DOCK9: variants seen among roughly 807,000 people sequenced by gnomAD.
The protein encoded by DOCK9 is dedicator of cytokinesis protein 9.
A neutral mutation model predicts 263.3 loss-of-function variants in DOCK9; 89 were observed. The observed-to-expected ratio is 0.34, with a 90% CI of 0.28 to 0.40. The LOEUF (loss-of-function observed/expected upper bound fraction) is 0.40. DOCK9 is among the 10% of genes least tolerant of loss of function. The pLI, the probability that DOCK9 is intolerant of heterozygous loss-of-function variation, is 1.00. For missense variants in DOCK9, 2,140 were observed against 2,603.4 expected, an observed-to-expected ratio of 0.82 and a Z score of 3.87; for synonymous variants, 976 against 973.1, an observed-to-expected ratio of 1.00 and a Z score of -0.06.
chr13:98,980,496 C>A (rs1360810177), upstream of DOCK9, among the ~76,000 whole-genome samples: 2 of 152,212 alleles, frequency 1.3e-5, no homozygotes, highest in Non-Finnish European at 2.9e-5. Flanking sequence ...GGCACAATAC[C>A]AATCACCAGT....
intron 1 of DOCK9, among the ~76,000 whole-genome samples, chr13:99,010,379 A>G (rs891305725): frequency 6.6e-6 from 1 of 152,224 alleles, no homozygotes; most frequent in African/African-American, 2.4e-5. Context: ...TGAATTGACA[A>G]TGTGTTTTGT....
chr13:98,968,007 G>A (rs1353736615), intron 1 of DOCK9, among the ~76,000 whole-genome samples: 5 of 151,210 alleles, frequency 3.3e-5, no homozygotes, highest in East Asian at 1.9e-4. Context: ...CCAGTGACTC[G>A]CCCCCAAAAT....
intron 38 of DOCK9, among the ~76,000 whole-genome samples, chr13:98,840,858 AAC>A (rs1566674660): frequency 6.6e-6 from 1 of 152,248 alleles, no homozygotes; most frequent in Non-Finnish European, 1.5e-5. Flanking sequence ...TGAATCCAGA[AAC>A]ACAGTAAGTC....
At chr13:98,876,879 A>T (rs1224726207) in intron 27 of DOCK9, among the ~76,000 whole-genome samples, 1 of 152,236 alleles carries the variant, frequency 6.6e-6, no homozygotes, top group Non-Finnish European at 1.5e-5. Flanking sequence ...GTGTTTGTGA[A>T]TCTCTTTTTA....
chr13:98,806,980 A>C (rs2140149717), intron 48 of DOCK9, among the ~76,000 whole-genome samples: 1 of 152,262 alleles, frequency 6.6e-6, no homozygotes, highest in South Asian at 2.1e-4. Context: ...TTGTATCCAA[A>C]CCTATTAAAA....
intron 1 of DOCK9, among the ~76,000 whole-genome samples, chr13:99,075,798 C>A (rs2041887174): frequency 6.6e-6 from 1 of 151,954 alleles, no homozygotes; most frequent in African/African-American, 2.4e-5. Context: ...ACATGAATCT[C>A]AATTTGAATC....
At chr13:98,990,939 AT>A (rs1879644862) in intron 1 of DOCK9, among the ~76,000 whole-genome samples, 1 of 152,226 alleles carries the variant, frequency 6.6e-6, no homozygotes. Context: ...CATGCATTAA[AT>A]TCCTTCCTTG....
chr13:99,017,013 C>G (rs527567402), intron 1 of DOCK9, among the ~76,000 whole-genome samples: 2 of 152,252 alleles, frequency 1.3e-5, no homozygotes, highest in South Asian at 4.1e-4. Flanking sequence ...TTGGGCCCCA[C>G]AGAAAACCAA....
At chr13:98,974,771 AAAG>A (rs2060070152) in intron 1 of DOCK9, among the ~76,000 whole-genome samples, 2 of 150,080 alleles carry the variant, frequency 1.3e-5, no homozygotes, top group African/African-American at 4.9e-5. Context: ...AAAAAAAAAA[AAAG>A]AACAACTCCA....
intron 18 of DOCK9, among the ~76,000 whole-genome samples, chr13:98,887,143 A>ATATTTTT (rs1470080750): frequency 2.1e-5 from 2 of 95,292 alleles, no homozygotes; most frequent in African/African-American, 8.7e-5. Context: ...ATATATATAT[A>ATATTTTT]TTTTTTTTTT....
intron 1 of DOCK9, among the ~76,000 whole-genome samples, chr13:99,040,258 C>T (rs1888328737): frequency 6.6e-6 from 1 of 152,158 alleles, no homozygotes. Context: ...TGATTTTAAA[C>T]TTCCAGCCAC....
intron 30 of DOCK9, among the ~76,000 whole-genome samples, chr13:98,866,477 G>C (rs1594797185): frequency 6.6e-6 from 1 of 152,178 alleles, no homozygotes; most frequent in East Asian, 1.9e-4. Context: ...GGTGCCATTA[G>C]CAGTTTGGTG....
chr13:98,996,371 A>G (rs1219351786), intron 1 of DOCK9, among the ~76,000 whole-genome samples: 1 of 152,230 alleles, frequency 6.6e-6, no homozygotes, highest in Non-Finnish European at 1.5e-5. Context: ...ACTAACAGCA[A>G]TTCATCACTA....
At chr13:99,008,474 T>C (rs1883887583) in intron 1 of DOCK9, among the ~76,000 whole-genome samples, 2 of 152,076 alleles carry the variant, frequency 1.3e-5, no homozygotes. Context: ...CCTCAGGTGA[T>C]CTGCTTGCCT....
At chr13:98,813,928 A>G (rs555031052) in intron 45 of DOCK9, among the ~76,000 whole-genome samples, 1 of 152,336 alleles carries the variant, frequency 6.6e-6, no homozygotes, top group East Asian at 1.9e-4. Flanking sequence ...GGCATGAGCC[A>G]CTGCGCCCAG....
intron 1 of DOCK9, among the ~76,000 whole-genome samples, chr13:99,038,899 T>C (rs1051232183): frequency 2.6e-5 from 4 of 152,242 alleles, no homozygotes; most frequent in Non-Finnish European, 4.4e-5. Flanking sequence ...CTCACAAATA[T>C]AAGATCTAAT....
At chr13:99,031,840 T>C (rs1204542243) in intron 1 of DOCK9, among the ~76,000 whole-genome samples, 3 of 152,166 alleles carry the variant, frequency 2.0e-5, no homozygotes, top group Non-Finnish European at 4.4e-5. Context: ...AGAACCAGAG[T>C]AAATTCAAGG....
chr13:98,962,447 G>A (rs778573759), intron 1 of DOCK9, among the ~76,000 whole-genome samples: 4 of 152,262 alleles, frequency 2.6e-5, no homozygotes, highest in South Asian at 2.1e-4. Flanking sequence ...TGATAGGGTC[G>A]TGTGTCCACA....
At position 98,797,146 on chromosome 13, in the gene DOCK9, G is replaced by A. The variant is rs764927576; in HGVS notation, c.6125C>T (p.Ala2042Val). 32 of 1,613,840 alleles carry A rather than the reference G, an allele frequency of 2.0e-5. No homozygotes were observed. Among genetic ancestry groups the A allele is most frequent in the African/African-American group, 1.2e-4 (9 of 74,898 alleles). Reference protein sequence around the residue: ...EEMKANYREMAKELSEIMHEQ... With the variant: ...EEMKANYREMVKELSEIMHEQ... ...ATGCATGATTTCAGAAAGCTCCTTC[G>A]CCATTTCCCTGTAGTTGGCTTTCAT... The change falls in exon 52 of 53, where the codon GCG becomes GTG. Residue 2042 changes from alanine to valine, a missense_variant. By Grantham distance (64) the Ala-to-Val change is moderately conservative (BLOSUM62 0). Around this residue, in one of 2 missense-constraint regions of DOCK9, gnomAD observed 619 missense variants for 861.8 expected, o/e 0.72. Coordinates refer to ENST00000682017, the MANE Select transcript of DOCK9 (RefSeq NM_001366683.2).
Sources: gnomAD v4.1 joint callset for allele counts (sites outside exome capture counted in the v4.1 genomes callset) on GRCh38, gnomAD v4.1.1 for gene constraint, gnomAD v4.1.1 regional missense constraint, MANE v1.5 for transcripts, NCBI Gene and HGNC (gene_info 2026-07-23, HGNC 2026-07-21) for gene names.